DERPC: variants seen among roughly 807,000 people sequenced by gnomAD.
The protein encoded by DERPC is DERPC proline and glycine rich nuclear protein, also known as decreased expression in renal and prostate cancer protein.
In DERPC, 1 loss-of-function variant was observed where a neutral mutation model predicts 7.2. That is an observed-to-expected ratio of 0.14 (90% CI 0.05 to 0.66). The LOEUF (loss-of-function observed/expected upper bound fraction) is 0.66. Ranked by LOEUF, DERPC falls within the 30% of genes least tolerant of loss-of-function variation. The probability of loss-of-function intolerance (pLI) is 0.84; values close to 1 mark genes in which losing one functional copy is unlikely to be tolerated. For synonymous variants in DERPC, 185 were observed against 117.6 expected (o/e 1.57, Z -3.71); for missense variants, 502 against 299.4 (o/e 1.68, Z -4.99).
intron 1 of DERPC, among the ~76,000 whole-genome samples, chr16:69,128,076 T>G (rs1962212218): frequency 6.6e-6 from 1 of 151,940 alleles, no homozygotes; most frequent in Non-Finnish European, 1.5e-5. Context: ...CACCGCGCCT[T>G]GCTGATTTTT....
In DERPC at chr16:69,119,042, G is replaced by C; in HGVS notation, c.1387C>G (p.Pro463Ala). The C allele has an allele frequency of 1.4e-6, 1 of 703,068 alleles. No homozygotes were observed. The highest frequency in any genetic ancestry group is 1.5e-5 in the South Asian group (1 of 67,594). The allele number at this position is 703,068 out of a possible 1,614,324, so 43.6% of individuals were successfully genotyped here. Reference protein sequence around the residue: ...PAGPVGINPAPFTRPTGTLGL... With the variant: ...PAGPVGINPAAFTRPTGTLGL... ...AGGGTCCCAGTTGGCCTTGTGAAAG[G>C]AGCTGGGTTGATACCCACAGGGCCA... Residue 463 changes from proline (P) to alanine (A), a missense_variant, in exon 3 of 3, where the codon CCT (proline) becomes GCT (alanine). Transcript: ENST00000519520.
intron 1 of DERPC, chr16:69,132,194 C>T (rs755672603): frequency 2.8e-4 from 42 of 152,426 alleles, no homozygotes; most frequent in Non-Finnish European, 5.5e-4. Context: ...TCCTTCCCTC[C>T]GCCTTCCGTC....
chr16:69,122,880 T>C (rs975630816), intron 1 of DERPC, among the ~76,000 whole-genome samples: 2 of 152,006 alleles, frequency 1.3e-5, no homozygotes, highest in African/African-American at 2.4e-5. Flanking sequence ...GGTTTCACCA[T>C]GTTAGCCAGG....
Position 69,120,976 on chromosome 16 carries a change from C to T in DERPC, c.-221-327G>A. Reference sequence around the variant, plus strand: ...AATAACAAACCTGAGGCAGTCCTCACTCTGGGTCCTGGGAGCACCACCTTG... The same window carrying T: ...AATAACAAACCTGAGGCAGTCCTCATTCTGGGTCCTGGGAGCACCACCTTG... On this transcript the variant is annotated intron_variant, in intron 2 of 2. Transcript: ENST00000519520. This position sits in a 1 kb window ranked among gnomAD's most constrained non-coding sequence, Gnocchi z 4.0. 1 of 1,245,822 alleles carries T rather than the reference C, an allele frequency of 8.0e-7. No homozygotes were observed. The highest frequency in any genetic ancestry group is 1.9e-4 in the Middle Eastern group (1 of 5,318). 77.2% of individuals were successfully genotyped at this position (1,245,822 alleles called of 1,614,324 possible).
At chr16:69,126,134 A>G (rs977997978) in intron 1 of DERPC, among the ~76,000 whole-genome samples, 6 of 152,248 alleles carry the variant, frequency 3.9e-5, no homozygotes, top group Non-Finnish European at 7.3e-5. Flanking sequence ...TACAAGTGAC[A>G]GTAAAATACA....
intron 2 of DERPC, 198 bp downstream of exon 2, chr16:69,121,238 C>G: frequency 7.0e-7 from 1 of 1,432,036 alleles, no homozygotes; most frequent in Non-Finnish European, 9.7e-7. Context: ...CCTCACACCA[C>G]CATTTGAGGC....
chr16:69,119,153 T>C lies in DERPC; in HGVS notation c.1276A>G (p.Thr426Ala), dbSNP rs1961413538. The C allele has an allele frequency of 4.3e-6, 3 of 702,922 alleles. No individual in the cohort carries two copies. Among genetic ancestry groups the C allele is most frequent in the Non-Finnish European group, 7.8e-6 (3 of 384,978 alleles). The allele number at this position is 702,922 out of a possible 1,614,324, so 43.5% of individuals were successfully genotyped here. ...ATGLQGPSPT[T>A]FPRSTGPLGP... ...AATGGGCCAGTAGACCTTGGGAAGG[T>C]AGTTGGACTTGGACCCTGCAGGCCA... Residue 426 changes from threonine (T) to alanine (A), a missense_variant, in exon 3 of 3, where the codon ACC becomes GCC. Thr to Ala is a moderately conservative substitution (Grantham distance 58, BLOSUM62 0). Coordinates refer to ENST00000519520, the MANE Select transcript of DERPC (RefSeq NM_001002847.4).
chr16:69,121,409 A>G (rs1961647219), intron 2 of DERPC, 27 bp downstream of exon 2: 3 of 1,593,940 alleles, frequency 1.9e-6, no homozygotes, highest in African/African-American at 1.4e-5. Context: ...TTTCAAGCCA[A>G]ATTTTAAAAT....
At chr16:69,124,286 T>C (rs920025187) in intron 1 of DERPC, among the ~76,000 whole-genome samples, 1 of 152,230 alleles carries the variant, frequency 6.6e-6, no homozygotes, top group Non-Finnish European at 1.5e-5. Flanking sequence ...CTACAGCTTC[T>C]GGCTAAGTAC....
chr16:69,118,409 A>T lies in DERPC; in HGVS notation c.*445T>A, dbSNP rs1961329504. The T allele has an allele frequency of 6.2e-7, 1 of 1,613,644 alleles. No individual in the cohort carries two copies. The highest frequency in any genetic ancestry group is 1.1e-5 in the South Asian group (1 of 91,080). On this transcript the variant is annotated 3_prime_UTR_variant, in exon 3 of 3. Transcript: ENST00000519520. ...TGACCAGGTCCAAGCTGCCCAGGTCAGAGCTACGGAAGCATGGTCCGTTCA... is the reference window on the plus strand; with the variant it reads ...TGACCAGGTCCAAGCTGCCCAGGTCTGAGCTACGGAAGCATGGTCCGTTCA...
intron 1 of DERPC, among the ~76,000 whole-genome samples, chr16:69,124,935 G>C (rs533602857): frequency 1.3e-5 from 2 of 149,238 alleles, no homozygotes; most frequent in African/African-American, 2.5e-5. Context: ...ACAGAGTTTC[G>C]CTCCTGTTGC....
At chr16:69,130,627 G>A (rs577577837) in intron 1 of DERPC, among the ~76,000 whole-genome samples, 1 of 152,282 alleles carries the variant, frequency 6.6e-6, no homozygotes, top group Admixed American at 6.5e-5. Context: ...CACCTATTTT[G>A]AAAGGCTGTT....
Position 69,118,087 on chromosome 16 carries a change from A to C in DERPC, c.*767T>G. 7.6e-6 allele frequency: 4 copies of C among 525,908 alleles called. No homozygotes were observed. Among genetic ancestry groups the C allele is most frequent in the Non-Finnish European group, 6.9e-6 (2 of 291,886 alleles). 32.6% of individuals were successfully genotyped at this position (525,908 alleles called of 1,614,324 possible). On this transcript the variant is annotated 3_prime_UTR_variant, in exon 3 of 3. Transcript: ENST00000519520. ...AAACCACCAACCATCCTTGCACACC[A>C]GGCCGAACAAAGCACAGTGATTTCT...
intron 1 of DERPC, among the ~76,000 whole-genome samples, chr16:69,130,385 A>T (rs994880684): frequency 6.6e-6 from 1 of 152,236 alleles, no homozygotes; most frequent in Non-Finnish European, 1.5e-5. Flanking sequence ...ACTGGGGTGA[A>T]ATCAATTATT....
In DERPC at chr16:69,120,363, A is replaced by C; in HGVS notation, c.66T>G (p.Pro22=). 1 of 1,534,940 alleles carries C rather than the reference A, an allele frequency of 6.5e-7. No homozygotes were observed. The highest frequency in any genetic ancestry group is 9.0e-7 in the Non-Finnish European group (1 of 1,108,416). The change falls in exon 3 of 3, where the codon CCT becomes CCG. Residue 22 remains proline, a synonymous_variant. Transcript: ENST00000519520. This position sits in a 1 kb window ranked among gnomAD's most constrained non-coding sequence, Gnocchi z 4.0. ...PTPWTRAPLP[P]RGRLDGSLGP... ...CCAGGGAACCGTCGAGCCGTCCTCG[A>C]GGTGGCAGCGGAGCACGAGTCCAAG...
chr16:69,118,310 G>T lies in DERPC; in HGVS notation c.*544C>A. 1 of 1,205,290 alleles carries T rather than the reference G, an allele frequency of 8.3e-7. No homozygotes were observed. The highest frequency in any genetic ancestry group is 1.2e-6 in the Non-Finnish European group (1 of 807,386). The allele number at this position is 1,205,290 out of a possible 1,614,324, so 74.7% of individuals were successfully genotyped here. ...GTCAAGCAGAAACTGCATTCGGTGGGTCTTTCTTTGAAGTGGTTGTCCATC... is the reference window on the plus strand; with the variant it reads ...GTCAAGCAGAAACTGCATTCGGTGGTTCTTTCTTTGAAGTGGTTGTCCATC... On this transcript the variant is annotated 3_prime_UTR_variant, in exon 3 of 3. Transcript: ENST00000519520.
chr16:69,124,110 GAA>G (rs548522836), intron 1 of DERPC, among the ~76,000 whole-genome samples: 2 of 138,248 alleles, frequency 1.4e-5, no homozygotes. Flanking sequence ...TCTCAAAGGG[GAA>G]AAAAAAAAAA....
At position 69,119,954 on chromosome 16, in the gene DERPC, G is replaced by A. The variant is rs764142457; in HGVS notation, c.475C>T (p.Pro159Ser). 99 of 701,344 alleles carry A rather than the reference G, an allele frequency of 1.4e-4. No homozygotes were observed. Among genetic ancestry groups the A allele is most frequent in the Non-Finnish European group, 2.3e-4 (89 of 383,832 alleles). The allele number at this position is 701,344 out of a possible 1,614,324, so 43.4% of individuals were successfully genotyped here. Residue 159 changes from proline to serine, a missense_variant, in exon 3 of 3, where the codon CCA becomes TCA. Coordinates refer to ENST00000519520, the MANE Select transcript of DERPC (RefSeq NM_001002847.4). ...GLPGPGPMSN[P>S]RAGGLLGAGP... is the part of the protein sequence containing the mutation. ...GCTCCCAGGAGACCACCTGCCCTTG[G>A]GTTGGACATAGGACCTGGTCCTGGG...
chr16:69,124,981 C>G (rs895923095), intron 1 of DERPC, among the ~76,000 whole-genome samples: 2 of 152,106 alleles, frequency 1.3e-5, no homozygotes, highest in Non-Finnish European at 1.5e-5. Flanking sequence ...CTCGGCTCAC[C>G]GCAACCTCCA....
Sources: allele counts gnomAD v4.1 joint callset (sites outside exome capture counted in the v4.1 genomes callset), GRCh38; gene constraint gnomAD v4.1.1; non-coding constraint Gnocchi (gnomAD v3.1); transcripts MANE v1.5; gene names NCBI Gene and HGNC (gene_info 2026-07-23, HGNC 2026-07-21).